Variants in CREB5 observed in about 807,000 individuals in gnomAD.
The protein encoded by CREB5 is cyclic AMP-responsive element-binding protein 5.
A neutral mutation model predicts 57.1 loss-of-function variants in CREB5; 19 were observed. The ratio of observed to expected loss-of-function variants is 0.33; its 90% CI spans 0.23 to 0.49. The LOEUF is 0.49. CREB5 is among the 20% of genes least tolerant of loss of function. The pLI is 0.99. For missense variants in CREB5, 579 were observed against 671.6 expected, an observed-to-expected ratio of 0.86 and a Z score of 1.52; for synonymous variants, 238 against 238.3, an observed-to-expected ratio of 1.00 and a Z score of 0.01.
At chr7:28,325,527 A>C (rs1026719040) in intron 1 of CREB5, among the ~76,000 whole-genome samples, 1 of 152,198 alleles carries the variant, frequency 6.6e-6, no homozygotes, top group Non-Finnish European at 1.5e-5. Context: ...CTGGGAATAA[A>C]ATCTGACCTT....
intron 5 of CREB5, among the ~76,000 whole-genome samples, chr7:28,674,537 A>G (rs149043085): frequency 6.6e-6 from 1 of 152,326 alleles, no homozygotes; most frequent in African/African-American, 2.4e-5. Flanking sequence ...AAGAAAGTCA[A>G]TCAGAATTGA....
intron 5 of CREB5, among the ~76,000 whole-genome samples, chr7:28,710,779 T>G (rs1306300457): frequency 1.3e-5 from 2 of 152,208 alleles, no homozygotes; most frequent in African/African-American, 4.8e-5. Flanking sequence ...CAAACCAGTT[T>G]TCCTTTCTAA....
intron 4 of CREB5, among the ~76,000 whole-genome samples, chr7:28,541,365 C>T (rs986955081): frequency 2.6e-5 from 4 of 152,056 alleles, no homozygotes; most frequent in African/African-American, 7.2e-5. Flanking sequence ...AGACCCCACT[C>T]AGAGAAAAAA....
chr7:28,658,768 A>G (rs1799434579), intron 5 of CREB5, among the ~76,000 whole-genome samples: 1 of 151,796 alleles, frequency 6.6e-6, no homozygotes, highest in Non-Finnish European at 1.5e-5. Context: ...GAGGATAAGG[A>G]AAGGGCTGAC....
chr7:28,411,266 G>T (rs981857172), upstream of CREB5, among the ~76,000 whole-genome samples: 2 of 152,182 alleles, frequency 1.3e-5, no homozygotes, highest in Non-Finnish European at 2.9e-5. Context: ...CGTAGTGCCT[G>T]CCCTTTAGCA....
chr7:28,476,798 A>G (rs993544405), intron 1 of CREB5, among the ~76,000 whole-genome samples: 5 of 152,244 alleles, frequency 3.3e-5, no homozygotes, highest in African/African-American at 1.2e-4. Flanking sequence ...TCCTATTATG[A>G]GAAATATTTA....
At chr7:28,472,084 A>C (rs6947146) in intron 1 of CREB5, among the ~76,000 whole-genome samples, 1 of 151,412 alleles carries the variant, frequency 6.6e-6, no homozygotes, top group East Asian at 1.9e-4. Context: ...TTTATTTGAC[A>C]TGCTTTCCAT....
At chr7:28,736,345 T>G (rs1478008370) in intron 7 of CREB5, among the ~76,000 whole-genome samples, 1 of 151,818 alleles carries the variant, frequency 6.6e-6, no homozygotes, top group African/African-American at 2.4e-5. Context: ...AATTTTGTAT[T>G]TTTAGTAAAG....
At chr7:28,487,275 A>G (rs1791600328) in intron 1 of CREB5, among the ~76,000 whole-genome samples, 1 of 152,108 alleles carries the variant, frequency 6.6e-6, no homozygotes, top group South Asian at 2.1e-4. Flanking sequence ...TAGTGATCCA[A>G]CCGCCTCAGA....
intron 4 of CREB5, among the ~76,000 whole-genome samples, chr7:28,527,321 T>C (rs1189961778): frequency 6.6e-6 from 1 of 152,204 alleles, no homozygotes; most frequent in Non-Finnish European, 1.5e-5. Context: ...TTTATCTCAG[T>C]GCTTACCAAA....
Position 28,820,158 on chromosome 7 carries a change from A to C in CREB5, c.*879A>C, listed in dbSNP as rs1809679146. 6.6e-6 allele frequency: 1 copy of C among 152,508 alleles called. No individual in the cohort carries two copies. Among genetic ancestry groups the C allele is most frequent in the South Asian group, 2.1e-4 (1 of 4,832 alleles). 9.4% of individuals were successfully genotyped at this position (152,508 alleles called of 1,614,324 possible). Reference sequence around the variant, plus strand: ...ATGTTTTTAATAATCACAGCAAATGAAAGGTGGTTTAGTTATAAGTGAAGC... The same window carrying C: ...ATGTTTTTAATAATCACAGCAAATGCAAGGTGGTTTAGTTATAAGTGAAGC... On this transcript the variant is annotated 3_prime_UTR_variant, in exon 11 of 11. Coordinates refer to ENST00000357727, the MANE Select transcript of CREB5 (RefSeq NM_182898.4).
intron 1 of CREB5, among the ~76,000 whole-genome samples, chr7:28,356,531 T>C (rs1583394516): frequency 6.6e-6 from 1 of 152,230 alleles, no homozygotes; most frequent in Non-Finnish European, 1.5e-5. Flanking sequence ...GACCGATCAA[T>C]AGGCTTTTGG....
chr7:28,628,817 T>C (rs776842234), intron 5 of CREB5, among the ~76,000 whole-genome samples: 1 of 152,172 alleles, frequency 6.6e-6, no homozygotes, highest in Non-Finnish European at 1.5e-5. Flanking sequence ...GTGCTAATAG[T>C]TGAGAAGAAG....
At chr7:28,404,005 C>T (rs1031163522) in intron 1 of CREB5, among the ~76,000 whole-genome samples, 1 of 152,154 alleles carries the variant, frequency 6.6e-6, no homozygotes, top group Non-Finnish European at 1.5e-5. Context: ...TATGTGAAAT[C>T]ACTCAAATCC....
At chr7:28,413,529 G>C (rs567386906) in intron 1 of CREB5, among the ~76,000 whole-genome samples, 1 of 151,892 alleles carries the variant, frequency 6.6e-6, no homozygotes, top group Non-Finnish European at 1.5e-5. Flanking sequence ...TGATTATAGT[G>C]GTTTTTATTT....
chr7:28,572,618 C>T (rs1795746883), intron 5 of CREB5, among the ~76,000 whole-genome samples: 1 of 152,146 alleles, frequency 6.6e-6, no homozygotes, highest in Non-Finnish European at 1.5e-5. Context: ...CTCCCTGCCA[C>T]CCCCCACCAA....
intron 5 of CREB5, among the ~76,000 whole-genome samples, chr7:28,667,885 A>G (rs1799886662): frequency 6.6e-6 from 1 of 152,220 alleles, no homozygotes; most frequent in South Asian, 2.1e-4. Context: ...TTTGGTTCTT[A>G]TTAACAAAGT....
intron 9 of CREB5, among the ~76,000 whole-genome samples, chr7:28,810,702 A>AAATT (rs1437229560): frequency 6.6e-5 from 10 of 151,372 alleles, no homozygotes; most frequent in Admixed American, 4.6e-4. Flanking sequence ...TCAAAAAAAT[A>AAATT]AATAAAAAGA....
chr7:28,653,945 A>G (rs1000430297), intron 5 of CREB5, among the ~76,000 whole-genome samples: 20 of 152,172 alleles, frequency 1.3e-4, no homozygotes, highest in African/African-American at 4.8e-4. Context: ...TTTCTTTTGG[A>G]TCCAGAGACA....
Sources: gnomAD v4.1 joint callset for allele counts (sites outside exome capture counted in the v4.1 genomes callset) on GRCh38, gnomAD v4.1.1 for gene constraint, MANE v1.5 for transcripts, NCBI Gene and HGNC (gene_info 2026-07-23, HGNC 2026-07-21) for gene names.